USP3: variants seen among roughly 807,000 people sequenced by gnomAD.
USP3 encodes ubiquitin specific peptidase 3.
A neutral mutation model predicts 72.3 loss-of-function variants in USP3; 20 were observed. That is an observed-to-expected ratio of 0.28 (90% CI 0.19 to 0.40). The LOEUF is 0.40. Among genes scored for constraint, USP3 ranks in the 10% least tolerant of loss-of-function variants. The pLI, the probability that USP3 is intolerant of heterozygous loss-of-function variation, is 1.00. For missense variants in USP3, 479 were observed against 633.9 expected (o/e 0.76, Z 2.62); for synonymous variants, 222 against 225.3 (o/e 0.99, Z 0.13).
At chr15:63,576,951 G>C in intron 11 of USP3, among the ~76,000 whole-genome samples, 1 of 152,122 alleles carries the variant, frequency 6.6e-6, no homozygotes. Context: ...TGATTACCTA[G>C]TATGTCTTCT....
chr15:63,525,888 A>G (rs1465604761), intron 1 of USP3, among the ~76,000 whole-genome samples: 1 of 152,166 alleles, frequency 6.6e-6, no homozygotes, highest in Non-Finnish European at 1.5e-5. Flanking sequence ...TTCACGATGT[A>G]TGTGTGTGTT....
At chr15:63,525,883 GATGT>G (rs1466867877) in intron 1 of USP3, among the ~76,000 whole-genome samples, 3 of 152,042 alleles carry the variant, frequency 2.0e-5, no homozygotes, top group African/African-American at 7.2e-5. Flanking sequence ...ATACTTTCAC[GATGT>G]ATGTGTGTGT....
intron 3 of USP3, among the ~76,000 whole-genome samples, chr15:63,550,911 C>T (rs951932433): frequency 2.6e-5 from 4 of 152,086 alleles, no homozygotes; most frequent in Non-Finnish European, 5.9e-5. Flanking sequence ...AATCTCAGCA[C>T]TTTGGGAGGC....
chr15:63,578,613 G>GAA (rs527520835), intron 11 of USP3, among the ~76,000 whole-genome samples: 26 of 85,538 alleles, frequency 3.0e-4, no homozygotes, highest in Non-Finnish European at 3.8e-4. Context: ...CTCCGTCTCA[G>GAA]AAAAAAAAAA....
In USP3 at chr15:63,553,839, G is replaced by A; in HGVS notation, c.368+41G>A. On this transcript the variant is annotated intron_variant, in intron 4 of 14. Coordinates refer to ENST00000380324, the MANE Select transcript of USP3 (RefSeq NM_006537.4). The surrounding 1 kb of genome is among the most constrained non-coding windows in gnomAD (Gnocchi z 4.2). ...TTGGAAAAAGAAGGGCCTAAGAATG[G>A]GGTTGAGGAGTCTTTTAGAATTTTT... is the stretch of plus-strand genomic sequence containing the variant. The A allele has an allele frequency of 6.6e-7, 1 of 1,522,604 alleles. No homozygotes were observed. Among genetic ancestry groups the A allele is most frequent in the East Asian group, 2.3e-5 (1 of 43,282 alleles). 94.3% of individuals were successfully genotyped at this position (1,522,604 alleles called of 1,614,324 possible).
Position 63,577,429 on chromosome 15 carries a change from C to T in USP3, c.1096+3026C>T, listed in dbSNP as rs547301974. On this transcript the variant is annotated intron_variant, in intron 11 of 14. Transcript: ENST00000380324. ...ATTGCTTGACCCCAGGAGTTTGAGA[C>T]CAGCCTGGGCAACATAGTGAGACCC... 2.8e-4 allele frequency among the ~76,000 whole-genome samples: 43 copies of T among 152,238 alleles called. 2 individuals carry two copies. The South Asian group carries it at 8.3e-3, about 29-fold the overall frequency.
At chr15:63,548,358 C>T (rs1474689491) in intron 3 of USP3, among the ~76,000 whole-genome samples, 2 of 151,884 alleles carry the variant, frequency 1.3e-5, no homozygotes. Context: ...CAGAGTCTCA[C>T]TCTGTTGCCC....
intron 5 of USP3, among the ~76,000 whole-genome samples, chr15:63,557,325 C>T (rs2066529404): frequency 6.6e-6 from 1 of 151,880 alleles, no homozygotes; most frequent in Non-Finnish European, 1.5e-5. Flanking sequence ...TGCAGTGGCA[C>T]AATCTTGGCC....
intron 7 of USP3, among the ~76,000 whole-genome samples, chr15:63,561,003 G>C (rs915242988): frequency 3.3e-5 from 5 of 152,136 alleles, no homozygotes; most frequent in African/African-American, 1.2e-4. Flanking sequence ...ATGGGCAGTA[G>C]GGCGAGAGTC....
At chr15:63,551,118 A>AT (rs1465173490) in intron 3 of USP3, among the ~76,000 whole-genome samples, 4 of 152,332 alleles carry the variant, frequency 2.6e-5, no homozygotes, top group Non-Finnish European at 2.9e-5. Context: ...ATTGTGACTA[A>AT]TTTTATCAAT....
intron 1 of USP3, among the ~76,000 whole-genome samples, chr15:63,518,093 A>T: frequency 6.6e-6 from 1 of 152,166 alleles, no homozygotes; most frequent in East Asian, 1.9e-4. Flanking sequence ...TTTTTAGGGC[A>T]CAGTGTTTTG....
intron 1 of USP3, among the ~76,000 whole-genome samples, chr15:63,511,369 T>C (rs2065779634): frequency 6.6e-6 from 1 of 151,878 alleles, no homozygotes; most frequent in African/African-American, 2.4e-5. Context: ...AATAATTCCT[T>C]TGAAGATTTT....
At chr15:63,554,342 G>A (rs2066477820) in intron 4 of USP3, among the ~76,000 whole-genome samples, 1 of 152,134 alleles carries the variant, frequency 6.6e-6, no homozygotes, top group Admixed American at 6.5e-5. Flanking sequence ...TGAATACTTT[G>A]TCATCATAAA....
chr15:63,511,247 C>T (rs2065775855), intron 1 of USP3, among the ~76,000 whole-genome samples: 1 of 24,314 alleles, frequency 4.1e-5, no homozygotes, highest in Non-Finnish European at 9.9e-5. Flanking sequence ...ACTGTTCAGA[C>T]TTTTAGCTTG....
chr15:63,516,024 TG>T (rs2065846584), intron 1 of USP3, among the ~76,000 whole-genome samples: 1 of 152,246 alleles, frequency 6.6e-6, no homozygotes, highest in Admixed American at 6.5e-5. Context: ...TTGCACCACT[TG>T]CCCTTCAGTC....
intron 11 of USP3, among the ~76,000 whole-genome samples, chr15:63,575,992 T>A (rs2066856602): frequency 6.6e-6 from 1 of 150,564 alleles, no homozygotes; most frequent in African/African-American, 2.4e-5. Context: ...ATACTTTTTT[T>A]TTTTTTTTTT....
chr15:63,576,078 C>T (rs2066858781), intron 11 of USP3, among the ~76,000 whole-genome samples: 1 of 151,826 alleles, frequency 6.6e-6, no homozygotes, highest in Admixed American at 6.6e-5. Flanking sequence ...CCTCCGCCTC[C>T]CAGGTTCAAG....
chr15:63,572,510 A>ATGTCTTACAAACC (rs556334239), intron 9 of USP3, among the ~76,000 whole-genome samples: 94 of 152,226 alleles, frequency 6.2e-4, no homozygotes, highest in African/African-American at 2.1e-3. Context: ...TTAAGACAAT[A>ATGTCTTACAAACC]TGTCTTACAA....
rs571492380 is a variant in USP3, at chr15:63,563,152, C to G, written c.761+144C>G. On this transcript the variant is annotated intron_variant, in intron 8 of 14. Coordinates refer to ENST00000380324, the MANE Select transcript of USP3 (RefSeq NM_006537.4). ...GTTTTTTTCTTTTTAAGAAGAAGAG[C>G]TGAAATTGAATACATCTGACTAAAC... 28 of 506,488 alleles carry G rather than the reference C, an allele frequency of 5.5e-5. No individual in the cohort carries two copies. In the Middle Eastern group the frequency reaches 2.2e-3, roughly 39 times the overall value. 31.4% of individuals were successfully genotyped at this position (506,488 alleles called of 1,614,324 possible). A position where few individuals can be genotyped will look rare whatever the true frequency, so the allele number is the denominator to read the frequency against.
Sources: allele counts gnomAD v4.1 joint callset (sites outside exome capture counted in the v4.1 genomes callset), GRCh38; gene constraint gnomAD v4.1.1; non-coding constraint Gnocchi (gnomAD v3.1); transcripts MANE v1.5; gene names NCBI Gene and HGNC (gene_info 2026-07-23, HGNC 2026-07-21).